The following PRKRA variants were observed in gnomAD, a reference collection of about 807,000 sequenced individuals.
The protein encoded by PRKRA is interferon-inducible double-stranded RNA-dependent protein kinase activator A.
In PRKRA, 22 loss-of-function variants were observed where a neutral mutation model predicts 32.4. That is an observed-to-expected ratio of 0.68 (90% CI 0.49 to 0.97). PRKRA has a LOEUF of 0.97. PRKRA is among the 50% of genes least tolerant of loss of function. PRKRA has a pLI of 0.00. For synonymous variants in PRKRA, 139 were observed against 129.8 expected (o/e 1.07, Z -0.48); for missense variants, 319 against 375.6 (o/e 0.85, Z 1.25).
intron 4 of PRKRA, 105 bp from the exon 5 acceptor site, chr2:178,443,489 A>G (rs1265249545): frequency 1.8e-6 from 1 of 571,040 alleles, no homozygotes; most frequent in East Asian, 4.9e-5. Flanking sequence ...TTTGAAAAGA[A>G]TAGTGATATT....
chr2:178,450,875 C>T (rs1697588228), intron 1 of PRKRA, 91 bp downstream of exon 1: 2 of 1,257,196 alleles, frequency 1.6e-6, no homozygotes, highest in African/African-American at 1.7e-5. Context: ...CACGGCTTTA[C>T]CCAGAATGCC....
At chr2:178,437,628 T>C (rs1329468717) in intron 6 of PRKRA, among the ~76,000 whole-genome samples, 4 of 152,176 alleles carry the variant, frequency 2.6e-5, no homozygotes, top group African/African-American at 9.6e-5. Flanking sequence ...ACTTTTAATT[T>C]TGATAAATAC....
In PRKRA at chr2:178,432,153, T is replaced by C. The variant is rs375307882; in HGVS notation, c.886A>G (p.Ser296Gly). The C allele has an allele frequency of 1.2e-6, 2 of 1,614,236 alleles. No individual in the cohort carries two copies. Among genetic ancestry groups the C allele is most frequent in the Non-Finnish European group, 1.7e-6 (2 of 1,180,040 alleles). ...GSGISCGNAQ[S>G]DAAHNALQYL... ...TGCAAAGCATTGTGAGCTGCATCACTTTGTGCATTGCCACAGGAGATACCG... is the reference window on the plus strand; with the variant it reads ...TGCAAAGCATTGTGAGCTGCATCACCTTGTGCATTGCCACAGGAGATACCG... The change falls in exon 8 of 8, where the codon AGT (serine) becomes GGT (glycine). Residue 296 changes from serine (S) to glycine (G), a missense_variant. By Grantham distance (56) the Ser-to-Gly change is moderately conservative. Transcript: ENST00000325748.
Position 178,447,591 on chromosome 2 carries a change from A to G in PRKRA, c.236-5T>C, listed in dbSNP as rs1697370826. 2 of 861,936 alleles carry G rather than the reference A, an allele frequency of 2.3e-6. No homozygotes were observed. Among genetic ancestry groups the G allele is most frequent in the Non-Finnish European group, 3.3e-6 (2 of 607,972 alleles). 53.4% of individuals were successfully genotyped at this position (861,936 alleles called of 1,614,324 possible). A position where few individuals can be genotyped will look rare whatever the true frequency, so the allele number is the denominator to read the frequency against. On this transcript the variant is annotated splice_polypyrimidine_tract_variant and splice_region_variant and intron_variant, in intron 2 of 7. Transcript: ENST00000325748. Reference sequence around the variant, plus strand: ...GCTTCTTACTTGTACCTTCACCTGAATTAAGATTTAAAAAAAGAAGTCTTT... The same window carrying G: ...GCTTCTTACTTGTACCTTCACCTGAGTTAAGATTTAAAAAAAGAAGTCTTT...
intron 2 of PRKRA, among the ~76,000 whole-genome samples, chr2:178,448,711 CA>C (rs1397231737): frequency 6.6e-6 from 1 of 152,126 alleles, no homozygotes; most frequent in African/African-American, 2.4e-5. Context: ...GTGGCCTAGG[CA>C]GTAGCAATGG....
intron 3 of PRKRA, among the ~76,000 whole-genome samples, chr2:178,444,847 CCT>C (rs1697255744): frequency 6.6e-6 from 1 of 152,192 alleles, no homozygotes; most frequent in Non-Finnish European, 1.5e-5. Flanking sequence ...ACACCTCTCC[CCT>C]GTTCAGACAG....
At chr2:178,450,437 TTTGCATG>T in intron 1 of PRKRA, 26 bp from the exon 2 acceptor site, 7 of 951,118 alleles carry the variant, frequency 7.4e-6, no homozygotes, top group South Asian at 3.5e-5. Flanking sequence ...AAAGGTGTGC[TTTGCATG>T]CCAAATTGGA....
chr2:178,433,756 G>A (rs945400651), intron 7 of PRKRA: 2 of 152,140 alleles, frequency 1.3e-5, no homozygotes, highest in Non-Finnish European at 1.5e-5. Flanking sequence ...CCAAAGGGGT[G>A]GGATTACAGG....
chr2:178,434,276 A>G (rs1350791824), intron 7 of PRKRA, among the ~76,000 whole-genome samples: 1 of 151,742 alleles, frequency 6.6e-6, no homozygotes, highest in Non-Finnish European at 1.5e-5. Flanking sequence ...TTGTCTGGCT[A>G]ATTTTTGTAT....
intron 2 of PRKRA, among the ~76,000 whole-genome samples, chr2:178,448,808 G>A (rs1356438277): frequency 1.3e-5 from 2 of 152,214 alleles, no homozygotes; most frequent in African/African-American, 4.8e-5. Context: ...GACTGGACAA[G>A]AGGGAGAAAG....
In PRKRA at chr2:178,432,043, G is replaced by T; in HGVS notation, c.*54C>A. ...CGGTAAAAGTTTTACTTGGGAAGGG[G>T]CCAGAGGGGAACTTTTTATGTGCTA... is the stretch of plus-strand genomic sequence containing the variant. On this transcript the variant is annotated 3_prime_UTR_variant, in exon 8 of 8. Transcript: ENST00000325748. 6.3e-7 allele frequency: 1 copy of T among 1,587,704 alleles called. No homozygotes were observed. The highest frequency in any genetic ancestry group is 1.1e-5 in the South Asian group (1 of 90,022).
intron 7 of PRKRA, 68 bp downstream of exon 7, chr2:178,436,077 A>AT: frequency 7.1e-7 from 1 of 1,407,576 alleles, no homozygotes; most frequent in Non-Finnish European, 9.9e-7. Context: ...CCTCAAACAC[A>AT]TTTTTGTTCC....
chr2:178,445,374 T>C (rs892645009), intron 3 of PRKRA: 2 of 152,226 alleles, frequency 1.3e-5, no homozygotes, highest in African/African-American at 4.8e-5. Flanking sequence ...TTTTTCCAAC[T>C]GTGAGAATTT....
chr2:178,450,033 C>T (rs563832817), intron 2 of PRKRA: 2 of 682,308 alleles, frequency 2.9e-6, no homozygotes, highest in East Asian at 5.3e-5. Flanking sequence ...TTTTTAGTTT[C>T]TAAGCTTCCT....
intron 7 of PRKRA, among the ~76,000 whole-genome samples, chr2:178,432,498 GCA>G (rs1696704756): frequency 6.6e-6 from 1 of 152,158 alleles, no homozygotes; most frequent in African/African-American, 2.4e-5. Context: ...TATCTAGGCT[GCA>G]CTCTAGCTCA....
rs1210525085 is a variant in PRKRA, at chr2:178,432,177, C to T, written c.862G>A (p.Gly288Ser). Reference protein sequence around the residue: ...TSPITVCHGSGISCGNAQSDA... With the variant: ...TSPITVCHGSSISCGNAQSDA... ...CTTTGTGCATTGCCACAGGAGATAC[C>T]GGAGCCATGACAGACTGTGATGGGG... is the stretch of plus-strand genomic sequence containing the variant. The change falls in exon 8 of 8, where the codon GGT becomes AGT. Residue 288 changes from glycine (G) to serine (S), a missense_variant. Physicochemically the swap from Gly to Ser is moderately conservative, Grantham distance 56. Transcript: ENST00000325748. The T allele has an allele frequency of 6.2e-6, 10 of 1,614,048 alleles. No homozygotes were observed. The highest frequency in any genetic ancestry group is 7.6e-6 in the Non-Finnish European group (9 of 1,180,040).
At chr2:178,444,538 T>G in intron 3 of PRKRA, 38 bp from the exon 4 acceptor site, 1 of 747,406 alleles carries the variant, frequency 1.3e-6, no homozygotes. Context: ...ACAAAATAAT[T>G]TCCCCCGAAT....
chr2:178,431,866 A>G lies in PRKRA; in HGVS notation c.*231T>C, dbSNP rs1696664938. 2 of 579,114 alleles carry G rather than the reference A, an allele frequency of 3.5e-6. No homozygotes were observed. Among genetic ancestry groups the G allele is most frequent in the African/African-American group, 3.8e-5 (2 of 52,858 alleles). The allele number at this position is 579,114 out of a possible 1,614,324, so 35.9% of individuals were successfully genotyped here. On this transcript the variant is annotated 3_prime_UTR_variant, in exon 8 of 8. Transcript: ENST00000325748. Reference sequence around the variant, plus strand: ...CATGGCACTGTAAAATGGGTGCTACACTCTCTCTTGTGGTACAAAGTTTAT... The same window carrying G: ...CATGGCACTGTAAAATGGGTGCTACGCTCTCTCTTGTGGTACAAAGTTTAT...
chr2:178,442,925 G>A (rs1697170599), intron 5 of PRKRA, among the ~76,000 whole-genome samples: 2 of 151,994 alleles, frequency 1.3e-5, no homozygotes, highest in African/African-American at 4.8e-5. Context: ...CTATTTTCTA[G>A]ATAGAATAGC....
Sources: gnomAD v4.1 joint callset for allele counts (sites outside exome capture counted in the v4.1 genomes callset) on GRCh38, gnomAD v4.1.1 for gene constraint, MANE v1.5 for transcripts, NCBI Gene and HGNC (gene_info 2026-07-23, HGNC 2026-07-21) for gene names.